The following TMEM232 variants were observed in gnomAD, a reference collection of about 807,000 sequenced individuals.
The protein encoded by TMEM232 is transmembrane protein 232.
Under a neutral mutation model 78.8 loss-of-function variants are expected in TMEM232, and 80 were observed. The ratio of observed to expected loss-of-function variants is 1.01; its 90% confidence interval spans 0.85 to 1.22. The LOEUF is 1.22. Among genes scored for constraint, TMEM232 ranks in the 50% most tolerant of loss-of-function variants. The pLI is 0.00. For synonymous variants in TMEM232, 297 were observed against 254.3 expected, an observed-to-expected ratio of 1.17 and a Z score of -1.60; for missense variants, 881 against 742.2, an observed-to-expected ratio of 1.19 and a Z score of -2.17.
At chr5:110,388,677 T>G (rs1200630568) in intron 4 of TMEM232, among the ~76,000 whole-genome samples, 1 of 152,146 alleles carries the variant, frequency 6.6e-6, no homozygotes, top group Admixed American at 6.5e-5. Context: ...TGCCTGGCCC[T>G]AATCCCATAG....
intron 2 of TMEM232, among the ~76,000 whole-genome samples, chr5:110,403,704 A>G (rs867275458): frequency 6.6e-6 from 1 of 151,940 alleles, no homozygotes; most frequent in African/African-American, 2.4e-5. Context: ...ATATATTATG[A>G]TCTCCTATTT....
At chr5:110,651,071 A>T (rs922624924) in intron 2 of TMEM232, among the ~76,000 whole-genome samples, 1 of 152,168 alleles carries the variant, frequency 6.6e-6, no homozygotes, top group African/African-American at 2.4e-5. Flanking sequence ...GATTCATTCT[A>T]TATTAATTAA....
intron 1 of TMEM232, among the ~76,000 whole-genome samples, chr5:110,720,321 T>G (rs1014129118): frequency 6.6e-6 from 1 of 152,146 alleles, no homozygotes; most frequent in African/African-American, 2.4e-5. Context: ...CTCTTTCTTA[T>G]GCATGAAGAA....
intron 12 of TMEM232, among the ~76,000 whole-genome samples, chr5:110,523,373 A>G (rs888725463): frequency 6.6e-6 from 1 of 151,884 alleles, no homozygotes; most frequent in Non-Finnish European, 1.5e-5. Context: ...AAAATCATCT[A>G]TTTCCTTTAT....
chr5:110,439,492 G>A (rs1483260070), intron 12 of TMEM232, among the ~76,000 whole-genome samples: 1 of 151,958 alleles, frequency 6.6e-6, no homozygotes, highest in Non-Finnish European at 1.5e-5. Context: ...AGAACTGCCA[G>A]TCAAGGGCAG....
At chr5:110,532,486 G>C (rs972420880) in intron 11 of TMEM232, among the ~76,000 whole-genome samples, 3 of 151,806 alleles carry the variant, frequency 2.0e-5, no homozygotes, top group African/African-American at 7.3e-5. Flanking sequence ...AACTGTTGTG[G>C]GTACTGATGG....
At chr5:110,458,729 T>A (rs928759035) in intron 12 of TMEM232, among the ~76,000 whole-genome samples, 1 of 152,246 alleles carries the variant, frequency 6.6e-6, no homozygotes, top group Admixed American at 6.5e-5. Flanking sequence ...TAAGACTATA[T>A]ATTTTTAAGC....
At chr5:110,695,042 A>T (rs569308112) in intron 1 of TMEM232, among the ~76,000 whole-genome samples, 2 of 152,188 alleles carry the variant, frequency 1.3e-5, no homozygotes, top group East Asian at 3.8e-4. Context: ...AATTGAACAC[A>T]TAGTTGGAAG....
chr5:110,551,726 C>T (rs1180893534), intron 11 of TMEM232, among the ~76,000 whole-genome samples: 2 of 151,786 alleles, frequency 1.3e-5, no homozygotes, highest in East Asian at 1.9e-4. Flanking sequence ...TTCTAAAAGC[C>T]GAATAGAGAA....
chr5:110,502,063 GGTTTT>G (rs1325961290), intron 12 of TMEM232, among the ~76,000 whole-genome samples: 3 of 151,662 alleles, frequency 2.0e-5, no homozygotes, highest in Non-Finnish European at 2.9e-5. Context: ...GTCTGTTTTT[GGTTTT>G]GTTTTGTTTG....
intron 2 of TMEM232, among the ~76,000 whole-genome samples, chr5:110,665,384 A>G (rs572967445): frequency 1.3e-5 from 2 of 152,240 alleles, no homozygotes; most frequent in East Asian, 3.9e-4. Context: ...ACACTGCTAT[A>G]AAGATACGAC....
chr5:110,688,625 T>C (rs1013671606), intron 1 of TMEM232, among the ~76,000 whole-genome samples: 4 of 152,136 alleles, frequency 2.6e-5, no homozygotes, highest in African/African-American at 9.7e-5. Context: ...AAGGAGGCCA[T>C]ATAGATGGGA....
intron 12 of TMEM232, among the ~76,000 whole-genome samples, chr5:110,465,843 T>TTAAG (rs1291399157): frequency 6.6e-6 from 1 of 152,190 alleles, no homozygotes; most frequent in Non-Finnish European, 1.5e-5. Flanking sequence ...AGTTCATTTA[T>TTAAG]TAAGTTAGTT....
intron 12 of TMEM232, among the ~76,000 whole-genome samples, chr5:110,457,291 A>T (rs892860717): frequency 6.6e-6 from 1 of 152,098 alleles, no homozygotes; most frequent in Non-Finnish European, 1.5e-5. Flanking sequence ...GTCATTCAGT[A>T]AAGATTTAAA....
chr5:110,672,479 A>G (rs1262079910), intron 1 of TMEM232, among the ~76,000 whole-genome samples: 4 of 152,214 alleles, frequency 2.6e-5, no homozygotes, highest in African/African-American at 4.8e-5. Context: ...AAGAGAGACA[A>G]TTTGTGCCCT....
intron 12 of TMEM232, among the ~76,000 whole-genome samples, chr5:110,455,531 C>G (rs1760807149): frequency 6.6e-6 from 1 of 152,006 alleles, no homozygotes; most frequent in South Asian, 2.1e-4. Context: ...GCGCCCGCCA[C>G]CACGCCCGGC....
chr5:110,448,520 T>C (rs75298353), intron 12 of TMEM232, among the ~76,000 whole-genome samples: 3,614 of 152,176 alleles, frequency 0.024, 134 homozygotes, highest in African/African-American at 0.082. Context: ...TAAATGATTG[T>C]TTTAAATTTG....
chr5:110,447,440 G>A (rs1037049088), intron 12 of TMEM232, among the ~76,000 whole-genome samples: 15 of 151,998 alleles, frequency 9.9e-5, no homozygotes, highest in Admixed American at 7.2e-4. Flanking sequence ...AGAGGGACAC[G>A]AGCACAATTT....
At chr5:110,490,862 T>C (rs1369577276) in intron 12 of TMEM232, among the ~76,000 whole-genome samples, 5 of 152,086 alleles carry the variant, frequency 3.3e-5, no homozygotes, top group Admixed American at 6.6e-5. Context: ...ACTAAAACTA[T>C]AGCTAAAACT....
Sources: gnomAD v4.1 joint callset for allele counts (sites outside exome capture counted in the v4.1 genomes callset) on GRCh38, gnomAD v4.1.1 for gene constraint, MANE v1.5 for transcripts, NCBI Gene and HGNC (gene_info 2026-07-23, HGNC 2026-07-21) for gene names.